Variants in EIF4G3 observed in about 807,000 individuals in gnomAD.
The protein encoded by EIF4G3 is eukaryotic translation initiation factor 4 gamma 3, also known as eIF-4-gamma 3.
In EIF4G3, 34 loss-of-function variants were observed where a neutral mutation model predicts 186.4. That is an observed-to-expected ratio of 0.18 (90% CI 0.14 to 0.24). EIF4G3 has a LOEUF of 0.24. Among genes scored for constraint, EIF4G3 ranks in the 10% least tolerant of loss-of-function variants. The pLI is 1.00. For synonymous variants in EIF4G3, 673 were observed against 679.5 expected (o/e 0.99, Z 0.15); for missense variants, 1,536 against 1,948.5 (o/e 0.79, Z 3.99).
At chr1:21,167,994 G>A (rs1391409194) in intron 2 of EIF4G3, 1 of 467,778 alleles carries the variant, frequency 2.1e-6, no homozygotes, top group African/African-American at 2.0e-5. Flanking sequence ...TTTGTAATGT[G>A]CAGTCATAAC....
At chr1:21,090,233 C>T (rs1440330004) in intron 2 of EIF4G3, among the ~76,000 whole-genome samples, 5 of 152,068 alleles carry the variant, frequency 3.3e-5, no homozygotes, top group Admixed American at 1.3e-4. Context: ...TAAAAAATTT[C>T]GAATTCTCCT....
At chr1:20,893,051 C>G (rs948249769) in intron 18 of EIF4G3, 1 of 248,016 alleles carries the variant, frequency 4.0e-6, no homozygotes, top group Non-Finnish European at 7.7e-6. Context: ...GGGACTAGGA[C>G]TATAAGCATG....
chr1:20,908,607 G>A (rs1300963627), intron 14 of EIF4G3, among the ~76,000 whole-genome samples: 3 of 152,146 alleles, frequency 2.0e-5, no homozygotes, highest in African/African-American at 7.2e-5. Context: ...TCTGTAGGAT[G>A]TAATACAAGT....
At chr1:20,862,193 C>G in intron 23 of EIF4G3, 35 bp downstream of exon 23, 1 of 1,292,236 alleles carries the variant, frequency 7.7e-7, no homozygotes, top group Non-Finnish European at 1.1e-6. Flanking sequence ...AGAGACTGGA[C>G]CAGCAGGCTT....
In EIF4G3 at chr1:20,950,970, G is replaced by A. The variant is rs753631497; in HGVS notation, c.715-859C>T. 5.3e-5 allele frequency among the ~76,000 whole-genome samples: 8 copies of A among 152,198 alleles called. No individual in the cohort carries two copies. The East Asian group carries it at 7.7e-4, about 15-fold the overall frequency. On this transcript the variant is annotated intron_variant, in intron 12 of 36. Transcript: ENST00000602326. ...ACGAAACAAAGCAGTGTCTCTCCTC[G>A]GAGATCTAAGGTCAATTTTTTTGGT...
intron 2 of EIF4G3, among the ~76,000 whole-genome samples, chr1:21,171,795 CTAAGA>C (rs745965080): frequency 4.6e-5 from 7 of 152,134 alleles, no homozygotes; most frequent in Non-Finnish European, 7.4e-5. Context: ...CATGGTTAGT[CTAAGA>C]TAAGATATCT....
chr1:20,988,312 G>C (rs529483571), intron 7 of EIF4G3: 1 of 170,508 alleles, frequency 5.9e-6, no homozygotes, highest in South Asian at 2.0e-4. Flanking sequence ...TTTCAGTGTA[G>C]ATGAAACAGC....
chr1:21,088,979 T>G (rs571111911), intron 3 of EIF4G3, among the ~76,000 whole-genome samples, 159 bp downstream of exon 3: 138 of 152,326 alleles, frequency 9.1e-4, no homozygotes, highest in African/African-American at 3.2e-3. Context: ...TTTCTTAGAT[T>G]AAGATGATAT....
At chr1:21,054,891 C>G (rs1247688265) in intron 3 of EIF4G3, among the ~76,000 whole-genome samples, 1 of 152,150 alleles carries the variant, frequency 6.6e-6, no homozygotes, top group Non-Finnish European at 1.5e-5. Flanking sequence ...ATAAATGATG[C>G]TACCATATGA....
intron 4 of EIF4G3, among the ~76,000 whole-genome samples, chr1:21,042,615 A>G (rs1019454765): frequency 2.6e-5 from 4 of 152,136 alleles, no homozygotes; most frequent in African/African-American, 9.7e-5. Flanking sequence ...CCCAGCAATC[A>G]GCATGCTCCC....
At chr1:20,864,794 TCCCCGTGAGAATC>T in intron 21 of EIF4G3, 82 bp from the exon 22 acceptor site, 1 of 1,161,342 alleles carries the variant, frequency 8.6e-7, no homozygotes, top group East Asian at 2.3e-5. Flanking sequence ...GGGGTCAGAA[TCCCCGTGAGAATC>T]TGATAGCAAG....
intron 26 of EIF4G3, among the ~76,000 whole-genome samples, chr1:20,854,396 T>TA (rs2074241027): frequency 2.0e-5 from 3 of 151,884 alleles, no homozygotes; most frequent in Admixed American, 2.0e-4. Context: ...AAAGGGAACC[T>TA]AAAAAATTAA....
At chr1:21,061,352 G>T (rs2094903410) in intron 3 of EIF4G3, among the ~76,000 whole-genome samples, 1 of 152,124 alleles carries the variant, frequency 6.6e-6, no homozygotes, top group Admixed American at 6.5e-5. Flanking sequence ...TTTGGATCGG[G>T]ATGTTCAACC....
chr1:20,950,025 A>G lies in EIF4G3; in HGVS notation c.801T>C (p.Thr267=). The G allele has an allele frequency of 6.2e-7, 1 of 1,613,630 alleles. No homozygotes were observed. The highest frequency in any genetic ancestry group is 8.5e-7 in the Non-Finnish European group (1 of 1,179,694). ...SAHLAASTPV[T]AASDQKQEEK... is the part of the protein sequence containing the mutation. Reference sequence around the variant, plus strand: ...AACCTTGCTTCTGGTCGCTAGCTGCAGTGACAGGGGTGCTGGCAGCAAGAT... The same window carrying G: ...AACCTTGCTTCTGGTCGCTAGCTGCGGTGACAGGGGTGCTGGCAGCAAGAT... The change falls in exon 13 of 37, where the codon ACT becomes ACC. Residue 267 remains threonine, a synonymous_variant. Transcript: ENST00000602326.
At chr1:20,861,533 A>T (rs543376425) in intron 23 of EIF4G3, among the ~76,000 whole-genome samples, 1 of 152,362 alleles carries the variant, frequency 6.6e-6, no homozygotes, top group East Asian at 1.9e-4. Flanking sequence ...GGTAGGCAAC[A>T]TCCTCATTTT....
At chr1:20,941,224 C>A (rs2095700109) in intron 14 of EIF4G3, 1 of 1,527,482 alleles carries the variant, frequency 6.5e-7, no homozygotes, top group African/African-American at 1.4e-5. Flanking sequence ...GCAACAACAA[C>A]AACAACAAAA....
chr1:21,129,101 T>C (rs2097103312), intron 2 of EIF4G3, among the ~76,000 whole-genome samples: 1 of 151,682 alleles, frequency 6.6e-6, no homozygotes, highest in Non-Finnish European at 1.5e-5. Context: ...GATCACAAAG[T>C]CAGGCGTTCA....
At chr1:21,031,380 A>T (rs1473509139) in intron 4 of EIF4G3, among the ~76,000 whole-genome samples, 2 of 144,000 alleles carry the variant, frequency 1.4e-5, no homozygotes, top group Non-Finnish European at 3.0e-5. Context: ...ATGAGGAATG[A>T]TGGCAAAAAA....
chr1:20,929,026 T>C (rs952344964), intron 14 of EIF4G3, among the ~76,000 whole-genome samples: 4 of 152,242 alleles, frequency 2.6e-5, no homozygotes, highest in African/African-American at 9.6e-5. Context: ...CGTAATGTTT[T>C]TAAGGTTCAT....
Sources: gnomAD v4.1 joint callset for allele counts (sites outside exome capture counted in the v4.1 genomes callset) on GRCh38, gnomAD v4.1.1 for gene constraint, MANE v1.5 for transcripts, NCBI Gene and HGNC (gene_info 2026-07-23, HGNC 2026-07-21) for gene names.